NEK11: variants seen among roughly 807,000 people sequenced by gnomAD.
The protein encoded by NEK11 is NIMA related kinase 11.
NEK11 carries 72 observed loss-of-function variants against 80.7 expected under a neutral mutation model. The observed-to-expected ratio is 0.89, with a 90% CI of 0.74 to 1.08. The LOEUF (loss-of-function observed/expected upper bound fraction) is 1.08. Ranked by LOEUF, NEK11 falls within the 50% of genes least tolerant of loss-of-function variation. The probability of loss-of-function intolerance (pLI) is 0.00; values close to 1 mark genes in which losing one functional copy is unlikely to be tolerated. For synonymous variants in NEK11, 251 were observed against 260.7 expected (o/e 0.96, Z 0.36); for missense variants, 764 against 763.6 (o/e 1.00, Z -0.01).
chr3:131,178,299 TA>T (rs2093151807), intron 14 of NEK11, among the ~76,000 whole-genome samples: 1 of 152,220 alleles, frequency 6.6e-6, no homozygotes. Context: ...ATTTTGAAAA[TA>T]TTTTTCTTCA....
At chr3:131,158,602 A>G (rs568943537) in intron 10 of NEK11, among the ~76,000 whole-genome samples, 38 of 152,284 alleles carry the variant, frequency 2.5e-4, no homozygotes, top group Non-Finnish European at 4.3e-4. Context: ...ACACAGACCT[A>G]TGCCCACAAG....
chr3:131,178,426 C>A (rs926467172), intron 14 of NEK11, among the ~76,000 whole-genome samples: 4 of 152,170 alleles, frequency 2.6e-5, no homozygotes, highest in Non-Finnish European at 5.9e-5. Context: ...TACAGCTGTA[C>A]AAGAATATTT....
At chr3:131,107,760 G>A (rs114323548) in intron 4 of NEK11, among the ~76,000 whole-genome samples, 1,844 of 152,142 alleles carry the variant, frequency 0.012, 23 homozygotes, top group Middle Eastern at 0.034. Context: ...ATATTAAGCA[G>A]ACCTACGCAG....
At chr3:131,059,147 G>T (rs2070296602) in intron 3 of NEK11, among the ~76,000 whole-genome samples, 1 of 152,058 alleles carries the variant, frequency 6.6e-6, no homozygotes, top group Non-Finnish European at 1.5e-5. Flanking sequence ...AGTCTTCTTG[G>T]TTCCCCTGAA....
intron 17 of NEK11, among the ~76,000 whole-genome samples, chr3:131,300,451 G>T (rs1294467965): frequency 6.6e-6 from 1 of 151,890 alleles, no homozygotes. Context: ...TTAAATCTTT[G>T]CCAAGGCCTA....
Position 131,313,903 on chromosome 3 carries a change from A to AT in NEK11, c.1719-35649dup, listed in dbSNP as rs551439452. On this transcript the variant is annotated intron_variant, in intron 17 of 17. Coordinates refer to ENST00000383366, the MANE Select transcript of NEK11 (RefSeq NM_024800.5). ...TTTCCTAACAATAAATGAATTGGCA[A>AT]TTTTTAAAACTCATTTAAAAGGTTT... Among the ~76,000 whole-genome samples the AT allele has an allele frequency of 3.3e-5, 5 of 152,346 alleles. No individual in the cohort carries two copies. The South Asian group carries it at 1.0e-3, about 32-fold the overall frequency.
intron 3 of NEK11, among the ~76,000 whole-genome samples, chr3:131,076,963 GGAGAA>G (rs2148986832): frequency 6.6e-6 from 1 of 152,274 alleles, no homozygotes; most frequent in East Asian, 1.9e-4. Flanking sequence ...GTGAAAATTT[GGAGAA>G]AAGTAACCCT....
At position 131,153,006 on chromosome 3, in the gene NEK11, G is replaced by A. The variant is rs373064979; in HGVS notation, c.876+297G>A. ...GGAGGCTGAGGCAGGAGGATCACTC[G>A]AACCCAGGAGGTGGAGGTTGCAGTG... On this transcript the variant is annotated intron_variant, in intron 9 of 17. Coordinates refer to ENST00000383366, the MANE Select transcript of NEK11 (RefSeq NM_024800.5). Among the ~76,000 whole-genome samples, 6 of 152,278 alleles carry A rather than the reference G, an allele frequency of 3.9e-5. No individual in the cohort carries two copies. The East Asian group carries it at 5.8e-4, about 15-fold the overall frequency.
At chr3:131,081,593 A>G (rs2075288624) in intron 4 of NEK11, among the ~76,000 whole-genome samples, 1 of 152,238 alleles carries the variant, frequency 6.6e-6, no homozygotes, top group Non-Finnish European at 1.5e-5. Context: ...ATACCCAAAG[A>G]TGACTACGCT....
chr3:131,337,771 G>A (rs1299142633), intron 17 of NEK11, among the ~76,000 whole-genome samples: 1 of 152,040 alleles, frequency 6.6e-6, no homozygotes, highest in Non-Finnish European at 1.5e-5. Flanking sequence ...TAGGAGCAAA[G>A]CCTGAATGAG....
intron 5 of NEK11, among the ~76,000 whole-genome samples, chr3:131,132,536 C>T (rs2149586402): frequency 6.6e-6 from 1 of 152,078 alleles, no homozygotes; most frequent in East Asian, 1.9e-4. Flanking sequence ...CTACATGTTC[C>T]CCAACCTTTA....
intron 7 of NEK11, among the ~76,000 whole-genome samples, chr3:131,135,276 T>A (rs2085343919): frequency 6.6e-6 from 1 of 152,168 alleles, no homozygotes; most frequent in South Asian, 2.1e-4. Context: ...CATTTCTAAA[T>A]TATTCACGTG....
intron 5 of NEK11, among the ~76,000 whole-genome samples, chr3:131,125,059 C>T (rs1375278749): frequency 6.6e-6 from 1 of 152,160 alleles, no homozygotes; most frequent in Non-Finnish European, 1.5e-5. Context: ...TCTCTTTTCT[C>T]TCTATTCTTA....
At chr3:131,295,337 C>G (rs1302680371) in intron 17 of NEK11, among the ~76,000 whole-genome samples, 1 of 151,772 alleles carries the variant, frequency 6.6e-6, no homozygotes, top group Non-Finnish European at 1.5e-5. Context: ...TTCAGCATGC[C>G]TAATCTGAAA....
chr3:131,123,591 C>G (rs2082763798), intron 5 of NEK11, among the ~76,000 whole-genome samples: 1 of 152,024 alleles, frequency 6.6e-6, no homozygotes, highest in African/African-American at 2.4e-5. Flanking sequence ...ATATTGTATG[C>G]CTTATTCTTA....
At chr3:131,266,312 T>A (rs950324343) in intron 16 of NEK11, among the ~76,000 whole-genome samples, 1 of 152,246 alleles carries the variant, frequency 6.6e-6, no homozygotes, top group African/African-American at 2.4e-5. Flanking sequence ...GGTGTCAATT[T>A]GAGATTTTTC....
intron 17 of NEK11, chr3:131,325,443 G>A (rs1290558762): frequency 6.6e-5 from 10 of 152,058 alleles, no homozygotes; most frequent in Non-Finnish European, 1.2e-4. Flanking sequence ...TTCCCTCTGC[G>A]GGTGGGAAGG....
chr3:131,252,229 T>A (rs576373998), intron 16 of NEK11, among the ~76,000 whole-genome samples: 1 of 152,268 alleles, frequency 6.6e-6, no homozygotes, highest in East Asian at 1.9e-4. Context: ...CTCTGTGAAT[T>A]GAACTAGGCT....
At chr3:131,335,641 T>TA (rs2097169205) in intron 17 of NEK11, among the ~76,000 whole-genome samples, 1 of 151,970 alleles carries the variant, frequency 6.6e-6, no homozygotes, top group Non-Finnish European at 1.5e-5. Flanking sequence ...CAGAAGGAAA[T>TA]AAAGGGTATT....
Sources: allele counts gnomAD v4.1 joint callset (sites outside exome capture counted in the v4.1 genomes callset), GRCh38; gene constraint gnomAD v4.1.1; transcripts MANE v1.5; gene names NCBI Gene and HGNC (gene_info 2026-07-23, HGNC 2026-07-21).